Variants in CAMTA1 observed in about 807,000 individuals in gnomAD.
CAMTA1 encodes the protein calmodulin binding transcription activator 1, also known as calmodulin-binding transcription activator 1.
Under a neutral mutation model 170.9 loss-of-function variants are expected in CAMTA1, and 27 were observed. The ratio of observed to expected loss-of-function variants is 0.16; its 90% CI spans 0.12 to 0.22. The LOEUF (loss-of-function observed/expected upper bound fraction) is 0.22. Ranked by LOEUF, CAMTA1 falls within the 10% of genes least tolerant of loss-of-function variation. The probability of loss-of-function intolerance (pLI) is 1.00; values close to 1 mark genes in which losing one functional copy is unlikely to be tolerated. For synonymous variants in CAMTA1, 833 were observed against 891.5 expected (o/e 0.93, Z 1.17); for missense variants, 1,619 against 2,217.2 (o/e 0.73, Z 5.42).
Position 7,009,988 on chromosome 1 carries a change from C to T in CAMTA1, c.235-81316C>T, listed in dbSNP as rs183341025. On this transcript the variant is annotated intron_variant, in intron 3 of 22. Transcript: ENST00000303635. ...GAGCACCATCCCTTGGAGGTGTTGG[C>T]GCTGTCCAGGTGCCGGCCAGTGTGG... 3.0e-3 allele frequency among the ~76,000 whole-genome samples: 462 copies of T among 152,260 alleles called. 5 individuals are homozygous for T. The highest frequency in any genetic ancestry group is 4.4e-3 in the Non-Finnish European group (297 of 68,018).
chr1:7,010,873 C>T lies in CAMTA1; in HGVS notation c.235-80431C>T, dbSNP rs1699676757. ...AGCGATGGGAAATGCTCTTATCAGG[C>T]ACCTGGGACCTAAGCAGGTGCCCTA... On this transcript the variant is annotated intron_variant, in intron 3 of 22. Coordinates refer to ENST00000303635, the MANE Select transcript of CAMTA1 (RefSeq NM_015215.4). This position sits in a 1 kb window ranked among gnomAD's most constrained non-coding sequence, Gnocchi z 4.4. Among the ~76,000 whole-genome samples, 1 of 152,218 alleles carries T rather than the reference C, an allele frequency of 6.6e-6. No individual in the cohort carries two copies. Among genetic ancestry groups the T allele is most frequent in the Non-Finnish European group, 1.5e-5 (1 of 68,044 alleles).
chr1:7,289,907 A>G (rs1255662241), intron 5 of CAMTA1, among the ~76,000 whole-genome samples: 1 of 152,120 alleles, frequency 6.6e-6, no homozygotes, highest in Non-Finnish European at 1.5e-5. Flanking sequence ...AATCTTGACC[A>G]AGCCTTCAGA....
intron 5 of CAMTA1, among the ~76,000 whole-genome samples, chr1:7,380,615 A>G (rs2087221280): frequency 6.6e-6 from 1 of 152,176 alleles, no homozygotes; most frequent in Admixed American, 6.5e-5. Context: ...GTTGGATCAG[A>G]TTTCACCACT....
At chr1:7,000,530 T>A (rs1405727070) in intron 3 of CAMTA1, among the ~76,000 whole-genome samples, 2 of 152,130 alleles carry the variant, frequency 1.3e-5, no homozygotes, top group Non-Finnish European at 2.9e-5. Flanking sequence ...AGTGGAACAG[T>A]CTGGCTGTCT....
At chr1:7,121,453 C>T (rs917543286) in intron 4 of CAMTA1, among the ~76,000 whole-genome samples, 1 of 152,240 alleles carries the variant, frequency 6.6e-6, no homozygotes, top group African/African-American at 2.4e-5. Flanking sequence ...TGCTAGAGAA[C>T]AGCCACACAC....
At chr1:7,101,656 GCACATA>G (rs1642716822) in intron 4 of CAMTA1, among the ~76,000 whole-genome samples, 1 of 152,184 alleles carries the variant, frequency 6.6e-6, no homozygotes, top group Non-Finnish European at 1.5e-5. Flanking sequence ...ACACATGTAT[GCACATA>G]CACACACAGC....
At position 7,674,556 on chromosome 1, in the gene CAMTA1, A is replaced by C. The variant is rs1297271451; in HGVS notation, c.2780-3043A>C. ...CATGTTGGGAGGCCGAGGCGGGCGG[A>C]TCACTTGAAGTCAGGAGTTCGAGAC... On this transcript the variant is annotated intron_variant, in intron 10 of 22. Coordinates refer to ENST00000303635, the MANE Select transcript of CAMTA1 (RefSeq NM_015215.4). This position sits in a 1 kb window ranked among gnomAD's most constrained non-coding sequence, Gnocchi z 4.1. Among the ~76,000 whole-genome samples the C allele has an allele frequency of 1.3e-5, 2 of 152,256 alleles. No individual in the cohort carries two copies. The highest frequency in any genetic ancestry group is 1.9e-4 in the East Asian group (1 of 5,184).
chr1:7,035,435 A>T (rs928815804), intron 3 of CAMTA1, among the ~76,000 whole-genome samples: 2 of 152,170 alleles, frequency 1.3e-5, no homozygotes, highest in African/African-American at 4.8e-5. Flanking sequence ...TTGCTTCATT[A>T]AGGAATTCTA....
At chr1:6,952,399 C>G (rs1028495234) in intron 3 of CAMTA1, among the ~76,000 whole-genome samples, 1 of 132,210 alleles carries the variant, frequency 7.6e-6, no homozygotes, top group African/African-American at 2.9e-5. Flanking sequence ...CCACTGCACT[C>G]CAGCCTGGGG....
Position 6,934,498 on chromosome 1 carries a change from C to T in CAMTA1, c.234+109288C>T, listed in dbSNP as rs1684964973. Among the ~76,000 whole-genome samples the T allele has an allele frequency of 6.6e-6, 1 of 152,142 alleles. No homozygotes were observed. Among genetic ancestry groups the T allele is most frequent in the African/African-American group, 2.4e-5 (1 of 41,426 alleles). On this transcript the variant is annotated intron_variant, in intron 3 of 22. Coordinates refer to ENST00000303635, the MANE Select transcript of CAMTA1 (RefSeq NM_015215.4). The surrounding 1 kb of genome is among the most constrained non-coding windows in gnomAD (Gnocchi z 4.5). ...TGTGGGAGGAATTTCCTTTCCAGAA[C>T]ATTCCTTTGAGGAGGAGAGAAAAGG...
chr1:6,844,590 G>A (rs986155288), intron 3 of CAMTA1, among the ~76,000 whole-genome samples: 2 of 151,074 alleles, frequency 1.3e-5, no homozygotes, highest in African/African-American at 4.9e-5. Context: ...GGAGCCTGAG[G>A]TGGGAGAATT....
intron 4 of CAMTA1, among the ~76,000 whole-genome samples, chr1:7,136,609 T>C (rs1645560056): frequency 6.6e-6 from 1 of 152,220 alleles, no homozygotes; most frequent in African/African-American, 2.4e-5. Flanking sequence ...CCACATTGTC[T>C]TATTCATTTT....
At position 7,146,319 on chromosome 1, in the gene CAMTA1, G is replaced by A. The variant is rs80014894; in HGVS notation, c.302+54948G>A. On this transcript the variant is annotated intron_variant, in intron 4 of 22. Coordinates refer to ENST00000303635, the MANE Select transcript of CAMTA1 (RefSeq NM_015215.4). This position sits in a 1 kb window ranked among gnomAD's most constrained non-coding sequence, Gnocchi z 4.3. ...TAGATCAACCAGAGCCTTGGGATAT[G>A]AGAAGTTAATTTCCACATATCCTGG... 4.1e-3 allele frequency among the ~76,000 whole-genome samples: 631 copies of A among 152,306 alleles called. 6 individuals are homozygous for A. Among genetic ancestry groups the A allele is most frequent in the African/African-American group, 0.015 (611 of 41,562 alleles).
chr1:6,926,438 C>T (rs934782402), intron 3 of CAMTA1, among the ~76,000 whole-genome samples: 175 of 126,176 alleles, frequency 1.4e-3, no homozygotes, highest in Middle Eastern at 8.0e-3. Context: ...TCTTTCTTTT[C>T]TCTTTCTTTC....
At chr1:7,072,069 C>G (rs1442600162) in intron 3 of CAMTA1, among the ~76,000 whole-genome samples, 2 of 152,166 alleles carry the variant, frequency 1.3e-5, no homozygotes, top group Non-Finnish European at 2.9e-5. Flanking sequence ...TTGTGGGTAC[C>G]CCGCTCTACA....
intron 10 of CAMTA1, among the ~76,000 whole-genome samples, chr1:7,671,315 C>T (rs919016030): frequency 2.6e-5 from 4 of 152,200 alleles, no homozygotes; most frequent in Non-Finnish European, 4.4e-5. Context: ...CAGGCCCAGG[C>T]GATGTATCCA....
chr1:7,147,078 CA>C (rs766712930), intron 4 of CAMTA1, among the ~76,000 whole-genome samples: 1 of 151,470 alleles, frequency 6.6e-6, no homozygotes, highest in African/African-American at 2.4e-5. Context: ...CACATGCACA[CA>C]AAAACACACT....
chr1:7,327,329 C>T (rs1289913238), intron 5 of CAMTA1, among the ~76,000 whole-genome samples: 1 of 149,568 alleles, frequency 6.7e-6, no homozygotes, highest in East Asian at 2.0e-4. Context: ...ATGGCATGAA[C>T]CCGGGAGACG....
rs1692577890 is a variant in CAMTA1 at position 6,971,786 on chromosome 1, G to C, written c.235-119518G>C. Among the ~76,000 whole-genome samples, 1 of 152,224 alleles carries C rather than the reference G, an allele frequency of 6.6e-6. No homozygotes were observed. The highest frequency in any genetic ancestry group is 1.5e-5 in the Non-Finnish European group (1 of 68,042). ...AGAGAAGAAAAGGCCAGGCCTGCCTGTGGCCGCCCCCGGGTCTCAGCAATG... is the reference window on the plus strand; with the variant it reads ...AGAGAAGAAAAGGCCAGGCCTGCCTCTGGCCGCCCCCGGGTCTCAGCAATG... On this transcript the variant is annotated intron_variant, in intron 3 of 22. Coordinates refer to ENST00000303635, the MANE Select transcript of CAMTA1 (RefSeq NM_015215.4). The surrounding 1 kb of genome is among the most constrained non-coding windows in gnomAD (Gnocchi z 4.6).
Sources: allele counts gnomAD v4.1 joint callset (sites outside exome capture counted in the v4.1 genomes callset), GRCh38; gene constraint gnomAD v4.1.1; non-coding constraint Gnocchi (gnomAD v3.1); transcripts MANE v1.5; gene names NCBI Gene and HGNC (gene_info 2026-07-23, HGNC 2026-07-21).